Variants in UFM1 observed in about 807,000 individuals in gnomAD.
The protein encoded by UFM1 is ubiquitin fold modifier 1.
In UFM1, 9 loss-of-function variants were observed where a neutral mutation model predicts 15.4. The ratio of observed to expected loss-of-function variants is 0.59; its 90% CI spans 0.35 to 1.02. The LOEUF (loss-of-function observed/expected upper bound fraction) is 1.02, where lower values mean the gene tolerates loss of function less well. Ranked by LOEUF, UFM1 falls within the 50% of genes least tolerant of loss-of-function variation. The pLI is 0.02. For synonymous variants in UFM1, 27 were observed against 36.3 expected, an observed-to-expected ratio of 0.74 and a Z score of 0.92; for missense variants, 98 against 104.7, an observed-to-expected ratio of 0.94 and a Z score of 0.28.
chr13:38,359,351 CAT>C lies in UFM1; in HGVS notation c.190+20_190+21del, dbSNP rs772771318. The stretch of plus-strand genomic sequence containing the variant: ...GACTGCTGGTGAGTATTTGAAAACT[CAT>C]AGAGGAGTGGGTGGGGTTATATATG... On this transcript the variant is annotated intron_variant, in intron 5 of 5. Transcript: ENST00000239878. 11 of 1,611,006 alleles carry C rather than the reference CAT, an allele frequency of 6.8e-6. No individual in the cohort carries two copies. The African/African-American group carries it at 9.3e-5, about 14-fold the overall frequency.
rs1000894375 is a variant in UFM1 at position 38,354,365 on chromosome 13, G to A, written c.117+69G>A. ...CAATATGCTTCAAATGTCTTTAAGA[G>A]TTGCATGCACTTTGACCCATCATTT... is the stretch of plus-strand genomic sequence containing the variant. On this transcript the variant is annotated intron_variant, in intron 3 of 5. Coordinates refer to ENST00000239878, the MANE Select transcript of UFM1 (RefSeq NM_016617.4). The A allele has an allele frequency of 9.9e-6, 14 of 1,412,292 alleles. No homozygotes were observed. The African/African-American group carries it at 1.3e-4, about 13-fold the overall frequency. The allele number at this position is 1,412,292 out of a possible 1,614,324, so 87.5% of individuals were successfully genotyped here.
chr13:38,351,769 T>C (rs1295547367), intron 2 of UFM1, among the ~76,000 whole-genome samples: 1 of 152,186 alleles, frequency 6.6e-6, no homozygotes, highest in Non-Finnish European at 1.5e-5. Context: ...ATTGTACCAG[T>C]TCAGTTAATA....
chr13:38,350,298 T>G, intron 2 of UFM1: 1 of 1,459,130 alleles, frequency 6.9e-7, no homozygotes, highest in Non-Finnish European at 9.4e-7. Flanking sequence ...GTGTTTCTGA[T>G]TAGTGACCTC....
In UFM1 at chr13:38,361,024, TAG is replaced by T. The variant is rs1457821180; in HGVS notation, c.*247_*248del. The T allele has an allele frequency of 1.5e-5, 5 of 333,550 alleles. No individual in the cohort carries two copies. The highest frequency in any genetic ancestry group is 1.4e-4 in the Admixed American group (3 of 20,690). The allele number at this position is 333,550 out of a possible 1,614,324, so 20.7% of individuals were successfully genotyped here. On this transcript the variant is annotated 3_prime_UTR_variant, in exon 6 of 6. Coordinates refer to ENST00000239878, the MANE Select transcript of UFM1 (RefSeq NM_016617.4). ...GATGCTACCTCACAACACAAACAGG[TAG>T]TTCGTTGGGGGCAAATGAATTAGCC...
rs1032310201 is a variant in UFM1 at position 38,360,928 on chromosome 13, C to G, written c.*150C>G. ...TGACTCATCTGTCCCTTTTTGTTGT[C>G]CATACTCTTCCTATGAAGAGGGAAT... is the stretch of plus-strand genomic sequence containing the variant. On this transcript the variant is annotated 3_prime_UTR_variant, in exon 6 of 6. Transcript: ENST00000239878. 6.8e-5 allele frequency: 40 copies of G among 584,450 alleles called. No individual in the cohort carries two copies. The African/African-American group carries it at 7.2e-4, about 10-fold the overall frequency. The allele number at this position is 584,450 out of a possible 1,614,324, so 36.2% of individuals were successfully genotyped here. A position where few individuals can be genotyped will look rare whatever the true frequency, so the allele number is the denominator to read the frequency against.
chr13:38,358,081 C>A lies in UFM1; in HGVS notation c.118-12C>A. The A allele has an allele frequency of 9.3e-6, 11 of 1,186,216 alleles. No individual in the cohort carries two copies. Among genetic ancestry groups the A allele is most frequent in the South Asian group, 2.0e-5 (1 of 49,546 alleles). The allele number at this position is 1,186,216 out of a possible 1,614,324, so 73.5% of individuals were successfully genotyped here. ...TGTATATATATATATATTTTTTTTT[C>A]CTTCTATTTAGTTTAAAGTTCCTGC... On this transcript the variant is annotated splice_polypyrimidine_tract_variant and intron_variant, in intron 3 of 5. Transcript: ENST00000239878.
rs2140063550 is a variant in UFM1, at chr13:38,360,727, A to T, written c.207A>T (p.Lys69Asn). The T allele has an allele frequency of 6.2e-7, 1 of 1,605,278 alleles. No homozygotes were observed. The highest frequency in any genetic ancestry group is 2.2e-5 in the East Asian group (1 of 44,582). Reference protein sequence around the residue: ...PAQTAGNVFLKHGSELRIIPR... With the variant: ...PAQTAGNVFLNHGSELRIIPR... Reference sequence around the variant, plus strand: ...TTTGTATAGGAAATGTTTTTCTAAAACATGGTTCAGAACTGCGGATTATTC... The same window carrying T: ...TTTGTATAGGAAATGTTTTTCTAAATCATGGTTCAGAACTGCGGATTATTC... Residue 69 changes from lysine (K) to asparagine (N), a missense_variant, in exon 6 of 6, where the codon AAA becomes AAT. Coordinates refer to ENST00000239878, the MANE Select transcript of UFM1 (RefSeq NM_016617.4).
chr13:38,360,640 T>A, intron 5 of UFM1, 71 bp from the exon 6 acceptor site: 1 of 1,166,886 alleles, frequency 8.6e-7, no homozygotes, highest in Non-Finnish European at 1.2e-6. Context: ...TTATTATATT[T>A]AATAATTGTC....
intron 4 of UFM1, 137 bp from the exon 5 acceptor site, chr13:38,359,164 T>G (rs992129329): frequency 2.3e-5 from 14 of 616,238 alleles, no homozygotes; most frequent in Non-Finnish European, 3.6e-5. Flanking sequence ...AGATTGTCAC[T>G]CGTGTTCTTG....
At chr13:38,359,627 T>A (rs985305832) in intron 5 of UFM1, 2 of 225,924 alleles carry the variant, frequency 8.9e-6, no homozygotes, top group African/African-American at 4.6e-5. Flanking sequence ...CTAATTGGAG[T>A]ATTTTTTGAC....
rs1222070082 is a variant in UFM1, at chr13:38,363,568, G to C, written c.*2790G>C. 1 of 151,774 alleles carries C rather than the reference G, an allele frequency of 6.6e-6. No homozygotes were observed. The highest frequency in any genetic ancestry group is 1.9e-4 in the East Asian group (1 of 5,178). 9.4% of individuals were successfully genotyped at this position (151,774 alleles called of 1,614,324 possible). On this transcript the variant is annotated 3_prime_UTR_variant, in exon 6 of 6. Transcript: ENST00000239878. ...GGCTAGGTTGGTAGGTTCCAAACCT[G>C]GGTGATAACAGAGTCGCCTAGGAAA...
chr13:38,354,911 G>A (rs1879029029), intron 3 of UFM1: 1 of 151,948 alleles, frequency 6.6e-6, no homozygotes, highest in African/African-American at 2.4e-5. Flanking sequence ...GGTTCCTGTT[G>A]TAGGTGCGTC....
chr13:38,351,953 TACTTGGGTACTTGA>T (rs754535662), intron 2 of UFM1, among the ~76,000 whole-genome samples: 39 of 152,316 alleles, frequency 2.6e-4, no homozygotes, highest in Non-Finnish European at 4.9e-4. Context: ...TGGTAACTAG[TACTTGGGTACTTGA>T]CAAGCTTGCC....
intron 3 of UFM1, chr13:38,354,566 G>A: frequency 3.2e-6 from 1 of 309,896 alleles, no homozygotes. Context: ...CTAAAAAGGT[G>A]CTGATTTTTA....
In UFM1 at chr13:38,361,009, C is replaced by T; in HGVS notation, c.*231C>T. On this transcript the variant is annotated 3_prime_UTR_variant, in exon 6 of 6. Coordinates refer to ENST00000239878, the MANE Select transcript of UFM1 (RefSeq NM_016617.4). Reference sequence around the variant, plus strand: ...AAGATCATAGTCTTTGATGCTACCTCACAACACAAACAGGTAGTTCGTTGG... The same window carrying T: ...AAGATCATAGTCTTTGATGCTACCTTACAACACAAACAGGTAGTTCGTTGG... 2.7e-6 allele frequency: 1 copy of T among 368,002 alleles called. No individual in the cohort carries two copies. The highest frequency in any genetic ancestry group is 4.9e-6 in the Non-Finnish European group (1 of 204,964). The allele number at this position is 368,002 out of a possible 1,614,324, so 22.8% of individuals were successfully genotyped here.
At chr13:38,359,941 T>C (rs929146107) in intron 5 of UFM1, 21 of 229,610 alleles carry the variant, frequency 9.1e-5, no homozygotes, top group African/African-American at 4.9e-4. Flanking sequence ...GTTTTAAAAT[T>C]AGGCATGCTT....
intron 2 of UFM1, among the ~76,000 whole-genome samples, chr13:38,353,321 G>A (rs1878946370): frequency 1.3e-5 from 2 of 152,032 alleles, no homozygotes; most frequent in Non-Finnish European, 2.9e-5. Context: ...AAGTTTCAGT[G>A]AGAAATGTTA....
chr13:38,357,767 TAACAG>T (rs1879175770), intron 3 of UFM1, among the ~76,000 whole-genome samples: 1 of 151,870 alleles, frequency 6.6e-6, no homozygotes, highest in Non-Finnish European at 1.5e-5. Flanking sequence ...AAGAAAATCA[TAACAG>T]AAAGTATATT....
rs549564046 is a variant in UFM1 at position 38,358,398 on chromosome 13, T to C, written c.157+266T>C. On this transcript the variant is annotated intron_variant, in intron 4 of 5. Coordinates refer to ENST00000239878, the MANE Select transcript of UFM1 (RefSeq NM_016617.4). ...GCCAGATTATAACTGAAAATAACTTTATTTAGCAAGTTTTTTTTTTTATTA... is the reference window on the plus strand; with the variant it reads ...GCCAGATTATAACTGAAAATAACTTCATTTAGCAAGTTTTTTTTTTTATTA... Among the ~76,000 whole-genome samples the C allele has an allele frequency of 2.9e-4, 21 of 72,596 alleles. No homozygotes were observed. In the Admixed American group the frequency reaches 3.6e-3, roughly 13 times the overall value. 47.6% of individuals were successfully genotyped at this position (72,596 alleles called of 152,430 possible).
Sources: gnomAD v4.1 joint callset for allele counts (sites outside exome capture counted in the v4.1 genomes callset) on GRCh38, gnomAD v4.1.1 for gene constraint, MANE v1.5 for transcripts, NCBI Gene and HGNC (gene_info 2026-07-23, HGNC 2026-07-21) for gene names.